Variants in TRIM9 observed in about 807,000 individuals in gnomAD.
TRIM9 encodes the protein E3 ubiquitin-protein ligase TRIM9.
Under a neutral mutation model 78.3 loss-of-function variants are expected in TRIM9, and 26 were observed. That is an observed-to-expected ratio of 0.33 (90% CI 0.24 to 0.46). TRIM9 has a LOEUF of 0.46. TRIM9 is among the 20% of genes least tolerant of loss of function. TRIM9 has a pLI of 1.00. For missense variants in TRIM9, 787 were observed against 1,036.4 expected (o/e 0.76, Z 3.30); for synonymous variants, 398 against 416.5 (o/e 0.96, Z 0.54).
intron 3 of TRIM9, among the ~76,000 whole-genome samples, chr14:51,022,027 T>A (rs1302353223): frequency 6.6e-6 from 1 of 152,186 alleles, no homozygotes; most frequent in Non-Finnish European, 1.5e-5. Flanking sequence ...CTATCCAAAA[T>A]TTCCACCCCT....
intron 7 of TRIM9, among the ~76,000 whole-genome samples, chr14:50,986,799 C>T (rs1268846341): frequency 6.6e-6 from 1 of 152,132 alleles, no homozygotes; most frequent in Non-Finnish European, 1.5e-5. Context: ...CTAGGGATGT[C>T]ACTTGACCAT....
intron 3 of TRIM9, among the ~76,000 whole-genome samples, chr14:51,020,892 C>G (rs2057694577): frequency 6.6e-6 from 1 of 152,208 alleles, no homozygotes; most frequent in South Asian, 2.1e-4. Context: ...GTGACTGTCG[C>G]AAACTGTTCA....
intron 7 of TRIM9, among the ~76,000 whole-genome samples, chr14:50,994,483 C>A (rs537168385): frequency 3.8e-4 from 58 of 152,288 alleles, no homozygotes; most frequent in African/African-American, 1.4e-3. Flanking sequence ...CAAAGTCTAT[C>A]TAAATAGACT....
intron 1 of TRIM9, among the ~76,000 whole-genome samples, chr14:51,057,199 A>G (rs2060959407): frequency 6.6e-6 from 1 of 152,192 alleles, no homozygotes; most frequent in South Asian, 2.1e-4. Context: ...CACTATTTCA[A>G]TGAGAAGCAG....
intron 1 of TRIM9, among the ~76,000 whole-genome samples, chr14:51,045,013 G>C (rs2059843730): frequency 6.6e-6 from 1 of 152,098 alleles, no homozygotes; most frequent in Non-Finnish European, 1.5e-5. Flanking sequence ...TGTCTAAGAG[G>C]GCGGTTGGTT....
At chr14:51,068,349 A>AAAC (rs140041343) in intron 1 of TRIM9, among the ~76,000 whole-genome samples, 30,794 of 152,060 alleles carry the variant, frequency 0.2, 3,261 homozygotes, top group Non-Finnish European at 0.24. Context: ...ACAAAAACAA[A>AAAC]AACAAAAAAC....
chr14:51,014,305 T>C (rs1236213400), intron 3 of TRIM9, among the ~76,000 whole-genome samples: 6 of 152,212 alleles, frequency 3.9e-5, no homozygotes, highest in African/African-American at 1.4e-4. Flanking sequence ...ATTGTTGCAC[T>C]GCCAAAGAGC....
chr14:51,092,368 G>T (rs551546642), intron 1 of TRIM9, among the ~76,000 whole-genome samples: 46 of 152,150 alleles, frequency 3.0e-4, no homozygotes, highest in Non-Finnish European at 2.8e-4. Context: ...AAGGAGTTGA[G>T]AAAACTTTCA....
chr14:51,008,994 A>T lies in TRIM9; in HGVS notation c.1306+86T>A. ...AGAAGCCACTCCATATTCTTGTTAC[A>T]TTAGCCAAAGGGGTACTGATCCTGC... On this transcript the variant is annotated intron_variant, in intron 5 of 12. Transcript: ENST00000684578. The T allele has an allele frequency of 5.1e-6, 7 of 1,383,966 alleles. No homozygotes were observed. The South Asian group carries it at 8.9e-5, about 18-fold the overall frequency. The allele number at this position is 1,383,966 out of a possible 1,614,324, so 85.7% of individuals were successfully genotyped here.
intron 6 of TRIM9, among the ~76,000 whole-genome samples, chr14:50,999,995 C>T (rs918590297): frequency 6.6e-6 from 1 of 152,132 alleles, no homozygotes; most frequent in Non-Finnish European, 1.5e-5. Flanking sequence ...GATAGGGCTC[C>T]CTCACCTTGG....
chr14:51,067,202 C>T (rs780002091), intron 1 of TRIM9, among the ~76,000 whole-genome samples: 5 of 152,180 alleles, frequency 3.3e-5, no homozygotes, highest in Non-Finnish European at 7.3e-5. Context: ...CATCTTAATA[C>T]ATAGTGCCAT....
Position 50,992,295 on chromosome 14 carries a change from G to A in TRIM9, c.1603+5755C>T, listed in dbSNP as rs990675012. Among the ~76,000 whole-genome samples the A allele has an allele frequency of 5.9e-5, 9 of 152,264 alleles. No individual in the cohort carries two copies. The East Asian group carries it at 1.7e-3, about 30-fold the overall frequency. On this transcript the variant is annotated intron_variant, in intron 7 of 12. Coordinates refer to ENST00000684578, the MANE Select transcript of TRIM9 (RefSeq NM_001387360.1). ...AAATCACTATTAAATATGAGCAAAG[G>A]AGCTGGGCACGGTGGCTCATGCCTG... is the stretch of plus-strand genomic sequence containing the variant.
At chr14:51,028,946 C>T (rs1425186703) in intron 1 of TRIM9, among the ~76,000 whole-genome samples, 1 of 152,084 alleles carries the variant, frequency 6.6e-6, no homozygotes, top group African/African-American at 2.4e-5. Flanking sequence ...CCCTTGCCTC[C>T]CCAGGAGGGA....
intron 1 of TRIM9, among the ~76,000 whole-genome samples, chr14:51,066,026 T>C (rs2061698729): frequency 6.8e-6 from 1 of 147,254 alleles, no homozygotes; most frequent in Admixed American, 6.9e-5. Flanking sequence ...TTCATTGGCG[T>C]GCAAGCAGGC....
chr14:51,065,136 A>T (rs904280588), intron 1 of TRIM9, among the ~76,000 whole-genome samples: 2 of 152,232 alleles, frequency 1.3e-5, no homozygotes, highest in Non-Finnish European at 2.9e-5. Flanking sequence ...GTGTTACAGT[A>T]GGATCCATAA....
chr14:51,056,510 T>C (rs2060909722), intron 1 of TRIM9, among the ~76,000 whole-genome samples: 1 of 152,188 alleles, frequency 6.6e-6, no homozygotes, highest in Admixed American at 6.5e-5. Flanking sequence ...ATATAAAACC[T>C]GACATTCAAC....
intron 1 of TRIM9, among the ~76,000 whole-genome samples, chr14:51,061,097 C>T (rs773180633): frequency 1.2e-4 from 18 of 152,010 alleles, no homozygotes; most frequent in Non-Finnish European, 1.8e-4. Context: ...AGTGTCTGCT[C>T]GAGTATTTTG....
intron 1 of TRIM9, among the ~76,000 whole-genome samples, chr14:51,088,795 C>A (rs371891253): frequency 1.3e-5 from 2 of 151,988 alleles, no homozygotes; most frequent in Admixed American, 6.6e-5. Flanking sequence ...TTCATTGAAT[C>A]AAAAACCGCC....
rs1446363470 is a variant in TRIM9 at position 51,076,449 on chromosome 14, G to C, written c.822+17669C>G. Among the ~76,000 whole-genome samples, 11 of 152,282 alleles carry C rather than the reference G, an allele frequency of 7.2e-5. 1 individual carries two copies. In the South Asian group the frequency reaches 1.5e-3, roughly 20 times the overall value. ...TCCCAGGGGAGGGACCCACATGTGAGGGGAAGCAGCCATAAGCATTTCAGC... is the reference window on the plus strand; with the variant it reads ...TCCCAGGGGAGGGACCCACATGTGACGGGAAGCAGCCATAAGCATTTCAGC... On this transcript the variant is annotated intron_variant, in intron 1 of 12. Transcript: ENST00000684578.
Sources: allele counts gnomAD v4.1 joint callset (sites outside exome capture counted in the v4.1 genomes callset), GRCh38; gene constraint gnomAD v4.1.1; transcripts MANE v1.5; gene names NCBI Gene and HGNC (gene_info 2026-07-23, HGNC 2026-07-21).